The following CPB1 variants were observed in gnomAD, a reference collection of about 807,000 sequenced individuals.
The protein encoded by CPB1 is carboxypeptidase B1, also known as carboxypeptidase B.
CPB1 carries 53 observed loss-of-function variants against 51.4 expected under a neutral mutation model. The observed-to-expected ratio is 1.03, with a 90% CI of 0.83 to 1.30. The LOEUF is 1.30. Among genes scored for constraint, CPB1 ranks in the 50% most tolerant of loss-of-function variants. The pLI is 0.00. For synonymous variants in CPB1, 189 were observed against 186.9 expected (o/e 1.01, Z -0.09); for missense variants, 494 against 516.2 (o/e 0.96, Z 0.42).
chr3:148,836,842 C>T (rs1014979712), intron 3 of CPB1, among the ~76,000 whole-genome samples: 16 of 152,220 alleles, frequency 1.1e-4, no homozygotes, highest in South Asian at 2.1e-4. Context: ...AGTATTTAGA[C>T]GATTTCCTGC....
At chr3:148,831,674 C>A (rs1332786271) in intron 2 of CPB1, among the ~76,000 whole-genome samples, 4 of 152,106 alleles carry the variant, frequency 2.6e-5, no homozygotes, top group African/African-American at 9.7e-5. Context: ...TTAAAGATAT[C>A]TCTTGATCAT....
chr3:148,834,439 G>T, intron 2 of CPB1, 59 bp from the exon 3 acceptor site: 2 of 1,488,286 alleles, frequency 1.3e-6, no homozygotes, highest in African/African-American at 1.4e-5. Context: ...TAATGTGCTC[G>T]CAGATTATCC....
At chr3:148,845,298 G>A in intron 8 of CPB1, 126 bp from the exon 9 acceptor site, 1 of 682,706 alleles carries the variant, frequency 1.5e-6, no homozygotes, top group Non-Finnish European at 2.5e-6. Context: ...ATACATAATA[G>A]GGACAACTTT....
At chr3:148,839,456 G>A (rs999416364) in intron 3 of CPB1, among the ~76,000 whole-genome samples, 11 of 152,054 alleles carry the variant, frequency 7.2e-5, no homozygotes, top group African/African-American at 2.7e-4. Context: ...ACAAAGCATT[G>A]GCAGCTGCTC....
At chr3:148,853,351 A>G (rs1430348605) in intron 9 of CPB1, among the ~76,000 whole-genome samples, 1 of 152,162 alleles carries the variant, frequency 6.6e-6, no homozygotes, top group Non-Finnish European at 1.5e-5. Context: ...GAGTTTCTTT[A>G]TCATATATTC....
intron 2 of CPB1, among the ~76,000 whole-genome samples, chr3:148,833,833 C>A (rs1182146183): frequency 6.6e-6 from 1 of 151,926 alleles, no homozygotes; most frequent in Non-Finnish European, 1.5e-5. Flanking sequence ...CTAATGTATT[C>A]CTAGTCTCAG....
intron 8 of CPB1, 90 bp downstream of exon 8, chr3:148,844,857 G>A: frequency 8.4e-7 from 1 of 1,187,048 alleles, no homozygotes; most frequent in Non-Finnish European, 1.2e-6. Context: ...AATAAAAAAA[G>A]CAAGTTTTAT....
At chr3:148,844,879 C>A (rs1713187261) in intron 8 of CPB1, 112 bp downstream of exon 8, 11 of 896,816 alleles carry the variant, frequency 1.2e-5, no homozygotes, top group South Asian at 1.7e-5. Flanking sequence ...TTTTAAAGTT[C>A]TAACCTTCTA....
At chr3:148,834,418 C>A in intron 2 of CPB1, 80 bp from the exon 3 acceptor site, 1 of 1,281,836 alleles carries the variant, frequency 7.8e-7, no homozygotes, top group Non-Finnish European at 1.1e-6. Flanking sequence ...TAACTCAATT[C>A]AGTAGAGCAA....
chr3:148,841,068 C>A, intron 5 of CPB1, 93 bp downstream of exon 5: 1 of 1,027,706 alleles, frequency 9.7e-7, no homozygotes, highest in Non-Finnish European at 1.5e-6. Context: ...CACGCTTATC[C>A]CAAACATTGT....
chr3:148,848,138 C>T (rs903313801), intron 9 of CPB1, among the ~76,000 whole-genome samples: 2 of 152,104 alleles, frequency 1.3e-5, no homozygotes, highest in Non-Finnish European at 2.9e-5. Context: ...ACTTCCAGAG[C>T]ACATTTTGCT....
chr3:148,832,157 TAAAG>T (rs1712757679), intron 2 of CPB1, among the ~76,000 whole-genome samples: 1 of 152,194 alleles, frequency 6.6e-6, no homozygotes, highest in Non-Finnish European at 1.5e-5. Context: ...TGCCCCATCT[TAAAG>T]AATCCATAAT....
At chr3:148,834,269 T>C (rs1171551095) in intron 2 of CPB1, among the ~76,000 whole-genome samples, 1 of 152,228 alleles carries the variant, frequency 6.6e-6, no homozygotes, top group East Asian at 1.9e-4. Flanking sequence ...TCTATGTTTT[T>C]TCATGTTCAT....
intron 3 of CPB1, among the ~76,000 whole-genome samples, chr3:148,836,238 T>C (rs1712898250): frequency 6.6e-6 from 1 of 152,192 alleles, no homozygotes; most frequent in Admixed American, 6.5e-5. Flanking sequence ...ATGTGCTTTC[T>C]GCCTGAAGGA....
intron 9 of CPB1, among the ~76,000 whole-genome samples, chr3:148,852,399 A>G (rs1221863909): frequency 6.6e-6 from 1 of 152,166 alleles, no homozygotes; most frequent in East Asian, 1.9e-4. Flanking sequence ...GCTGATAAAC[A>G]TCCTACAATG....
At chr3:148,839,226 A>G (rs1377911694) in intron 3 of CPB1, among the ~76,000 whole-genome samples, 1 of 152,200 alleles carries the variant, frequency 6.6e-6, no homozygotes, top group Non-Finnish European at 1.5e-5. Context: ...GGGTATGGCC[A>G]AGGAATGCAG....
chr3:148,857,062 G>GTTTTTTTTTTTTTTTTTT (rs35574359), intron 9 of CPB1: 7 of 48,160 alleles, frequency 1.5e-4, no homozygotes, highest in Non-Finnish European at 2.3e-4. Context: ...ATTGCCAAGT[G>GTTTTTTTTTTTTTTTTTT]TTTTTTTTTT....
chr3:148,843,768 G>A (rs1384505340), intron 6 of CPB1, among the ~76,000 whole-genome samples: 1 of 152,140 alleles, frequency 6.6e-6, no homozygotes, highest in Non-Finnish European at 1.5e-5. Context: ...CAGAGGGACT[G>A]TGACTACGAG....
intron 2 of CPB1, among the ~76,000 whole-genome samples, chr3:148,833,720 A>G (rs1397237860): frequency 6.7e-6 from 1 of 149,434 alleles, no homozygotes; most frequent in Non-Finnish European, 1.5e-5. Flanking sequence ...GGTGTTACTT[A>G]AAACCACACA....
Sources: gnomAD v4.1 joint callset for allele counts (sites outside exome capture counted in the v4.1 genomes callset) on GRCh38, gnomAD v4.1.1 for gene constraint, MANE v1.5 for transcripts, NCBI Gene and HGNC (gene_info 2026-07-23, HGNC 2026-07-21) for gene names.